DCUN1D4: variants seen among roughly 807,000 people sequenced by gnomAD.
The protein encoded by DCUN1D4 is defective in cullin neddylation 1 domain containing 4.
Under a neutral mutation model 47.9 loss-of-function variants are expected in DCUN1D4, and 22 were observed. The observed-to-expected ratio is 0.46, with a 90% confidence interval of 0.33 to 0.66. The LOEUF (loss-of-function observed/expected upper bound fraction) is 0.66. DCUN1D4 is among the 30% of genes least tolerant of loss of function. The probability of loss-of-function intolerance (pLI) is 0.02; values close to 1 mark genes in which losing one functional copy is unlikely to be tolerated. For synonymous variants in DCUN1D4, 121 were observed against 112.2 expected (o/e 1.08, Z -0.50); for missense variants, 301 against 340.8 (o/e 0.88, Z 0.92).
At chr4:51,835,391 T>C in the DCUN1D4 span, among the ~76,000 whole-genome samples, 4 of 152,364 alleles carry the variant, frequency 2.6e-5, no homozygotes, top group African/African-American at 9.6e-5. Context: ...AGACAGTACC[T>C]GCTACAAAGT....
chr4:51,910,970 C>A, intron 8 of DCUN1D4, 100 bp from the exon 9 acceptor site: 1 of 1,151,192 alleles, frequency 8.7e-7, no homozygotes, highest in Non-Finnish European at 1.3e-6. Flanking sequence ...GATAAATGAG[C>A]TGTTTACTAA....
rs781445331 is a variant in DCUN1D4, at chr4:51,843,379, C to T, written c.25+112C>T. On this transcript the variant is annotated intron_variant, in intron 1 of 10. Coordinates refer to ENST00000334635, the MANE Select transcript of DCUN1D4 (RefSeq NM_001040402.3). Reference sequence around the variant, plus strand: ...CGGGTCCCGAAACGCGCCGGGAGCCCCTGCCTGGGAACCACCCCTTCCCCT... The same window carrying T: ...CGGGTCCCGAAACGCGCCGGGAGCCTCTGCCTGGGAACCACCCCTTCCCCT... The T allele has an allele frequency of 6.3e-4, 864 of 1,374,594 alleles. 1 individual carries two copies. The highest frequency in any genetic ancestry group is 7.7e-4 in the Middle Eastern group (3 of 3,900). 85.1% of individuals were successfully genotyped at this position (1,374,594 alleles called of 1,614,324 possible).
chr4:51,896,542 C>A (rs1280286880), intron 7 of DCUN1D4, among the ~76,000 whole-genome samples: 1 of 152,044 alleles, frequency 6.6e-6, no homozygotes, highest in Non-Finnish European at 1.5e-5. Flanking sequence ...AGTTTCCCTC[C>A]TCTTTGACCC....
Position 51,846,562 on chromosome 4 carries a change from A to G in DCUN1D4, c.25+3295A>G, listed in dbSNP as rs923471662. Among the ~76,000 whole-genome samples the G allele has an allele frequency of 1.3e-4, 20 of 152,156 alleles. 1 individual carries two copies. The highest frequency in any genetic ancestry group is 1.1e-3 in the Admixed American group (17 of 15,274). ...TGGCTACGTTTACATTATTATCTCA[A>G]TCATCATCTGCTAATTATAACTAAT... is the stretch of plus-strand genomic sequence containing the variant. On this transcript the variant is annotated intron_variant, in intron 1 of 10. Coordinates refer to ENST00000334635, the MANE Select transcript of DCUN1D4 (RefSeq NM_001040402.3).
intron 6 of DCUN1D4, among the ~76,000 whole-genome samples, chr4:51,890,651 T>G (rs567770940): frequency 1.3e-5 from 2 of 152,298 alleles, no homozygotes; most frequent in South Asian, 4.1e-4. Context: ...ACTGACATTC[T>G]TTTTTAGTTA....
intron 9 of DCUN1D4, among the ~76,000 whole-genome samples, chr4:51,913,043 A>G (rs569321702): frequency 6.6e-6 from 1 of 152,156 alleles, no homozygotes. Flanking sequence ...GGGGATATAT[A>G]ATCATGTTAT....
At chr4:51,889,596 T>G (rs1257937068) in intron 6 of DCUN1D4, among the ~76,000 whole-genome samples, 1 of 152,220 alleles carries the variant, frequency 6.6e-6, no homozygotes, top group Admixed American at 6.5e-5. Flanking sequence ...CCTCACCATT[T>G]TTTTTTAACT....
At chr4:51,875,351 G>C (rs1174147685) in intron 4 of DCUN1D4, 1 of 152,276 alleles carries the variant, frequency 6.6e-6, no homozygotes, top group African/African-American at 2.4e-5. Flanking sequence ...TATCAGAATT[G>C]TTAAATTCTA....
chr4:51,847,104 AT>A (rs1722667420), intron 1 of DCUN1D4, among the ~76,000 whole-genome samples: 1 of 152,186 alleles, frequency 6.6e-6, no homozygotes, highest in South Asian at 2.1e-4. Context: ...CTTGTAAGAT[AT>A]GGCCTTTCGT....
chr4:51,858,800 T>A (rs914378046), intron 1 of DCUN1D4, among the ~76,000 whole-genome samples: 1 of 152,210 alleles, frequency 6.6e-6, no homozygotes, highest in African/African-American at 2.4e-5. Flanking sequence ...TTTTTATAAA[T>A]AAAGCTTTAT....
intron 1 of DCUN1D4, 88 bp from the exon 2 acceptor site, chr4:51,863,349 A>G: frequency 9.3e-7 from 1 of 1,077,580 alleles, no homozygotes. Context: ...GTATTTAATT[A>G]TATCAAAACA....
At position 51,887,463 on chromosome 4, in the gene DCUN1D4, G is replaced by C. The variant is rs1729691703; in HGVS notation, c.414+825G>C. Reference sequence around the variant, plus strand: ...TTTTTAATTAGAGTGATTTTTATAAGCTTAATTATTTTTGCCTAATTCTTA... The same window carrying C: ...TTTTTAATTAGAGTGATTTTTATAACCTTAATTATTTTTGCCTAATTCTTA... On this transcript the variant is annotated intron_variant, in intron 6 of 10. Coordinates refer to ENST00000334635, the MANE Select transcript of DCUN1D4 (RefSeq NM_001040402.3). Among the ~76,000 whole-genome samples, 3 of 152,056 alleles carry C rather than the reference G, an allele frequency of 2.0e-5. 1 individual carries two copies. The South Asian group carries it at 6.2e-4, about 32-fold the overall frequency.
At chr4:51,858,291 T>C (rs1303054255) in intron 1 of DCUN1D4, among the ~76,000 whole-genome samples, 1 of 152,066 alleles carries the variant, frequency 6.6e-6, no homozygotes, top group East Asian at 1.9e-4. Context: ...CATGTTATTA[T>C]TAGGGGGAAG....
At chr4:51,850,434 G>A (rs1329194057) in intron 1 of DCUN1D4, among the ~76,000 whole-genome samples, 2 of 152,086 alleles carry the variant, frequency 1.3e-5, no homozygotes, top group Non-Finnish European at 2.9e-5. Flanking sequence ...AGGTTGGGAG[G>A]CAAGAAAGCC....
Position 51,914,102 on chromosome 4 carries a change from G to A in DCUN1D4, c.*518G>A, listed in dbSNP as rs1370442531. On this transcript the variant is annotated 3_prime_UTR_variant, in exon 11 of 11. Coordinates refer to ENST00000334635, the MANE Select transcript of DCUN1D4 (RefSeq NM_001040402.3). The stretch of plus-strand genomic sequence containing the variant: ...AGGTAGGAGTCATAACTTTTTAGAG[G>A]CATATGCCAAATATCATTTGGTATA... 6.5e-6 allele frequency: 1 copy of A among 152,736 alleles called. No homozygotes were observed. Among genetic ancestry groups the A allele is most frequent in the East Asian group, 1.9e-4 (1 of 5,182 alleles). The allele number at this position is 152,736 out of a possible 1,614,324, so 9.5% of individuals were successfully genotyped here.
intron 1 of DCUN1D4, chr4:51,860,555 G>A (rs888963349): frequency 2.2e-5 from 10 of 454,704 alleles, no homozygotes; most frequent in South Asian, 7.8e-5. Context: ...TTTACAGGAA[G>A]TATGGTGCTG....
chr4:51,874,423 A>G (rs940546173), intron 4 of DCUN1D4, 38 bp downstream of exon 4: 12 of 1,492,228 alleles, frequency 8.0e-6, no homozygotes, highest in Admixed American at 7.3e-5. Context: ...TCAGTGATAC[A>G]TATGTCGAAG....
intron 8 of DCUN1D4, among the ~76,000 whole-genome samples, chr4:51,904,220 C>G (rs193153380): frequency 1.7e-4 from 26 of 152,246 alleles, no homozygotes; most frequent in Admixed American, 1.6e-3. Flanking sequence ...TTTGGCCCCA[C>G]TACTAAGGCA....
At chr4:51,908,811 G>A (rs1033283244) in intron 8 of DCUN1D4, 6 of 440,918 alleles carry the variant, frequency 1.4e-5, no homozygotes, top group African/African-American at 8.0e-5. Flanking sequence ...TTCCAGTCAT[G>A]GTCATTTGCA....
Sources: allele counts gnomAD v4.1 joint callset (sites outside exome capture counted in the v4.1 genomes callset), GRCh38; gene constraint gnomAD v4.1.1; transcripts MANE v1.5; gene names NCBI Gene and HGNC (gene_info 2026-07-23, HGNC 2026-07-21).